Variants in TBCD observed in about 807,000 individuals in gnomAD.
TBCD encodes the protein tubulin-specific chaperone D.
Under a neutral mutation model 169.3 loss-of-function variants are expected in TBCD, and 105 were observed. The ratio of observed to expected loss-of-function variants is 0.62; its 90% confidence interval spans 0.53 to 0.73. The LOEUF (loss-of-function observed/expected upper bound fraction) is 0.73, where lower values mean the gene tolerates loss of function less well. TBCD is among the 30% of genes least tolerant of loss of function. TBCD has a pLI of 0.00. For missense variants in TBCD, 1,444 were observed against 1,600.1 expected (o/e 0.90, Z 1.66); for synonymous variants, 700 against 643.9 (o/e 1.09, Z -1.32).
chr17:82,794,102 C>T (rs1455105671), intron 7 of TBCD, among the ~76,000 whole-genome samples: 1 of 152,234 alleles, frequency 6.6e-6, no homozygotes, highest in Non-Finnish European at 1.5e-5. Context: ...GGGGGCCCTT[C>T]TCCCAGGGCC....
chr17:82,882,617 G>A (rs961491211), intron 14 of TBCD, among the ~76,000 whole-genome samples: 1 of 152,256 alleles, frequency 6.6e-6, no homozygotes, highest in Non-Finnish European at 1.5e-5. Context: ...TGGAGAGCAA[G>A]GCCAGTGGGT....
Position 82,860,139 on chromosome 17 carries a change from A to G in TBCD, c.1319-10085A>G, listed in dbSNP as rs111927610. On this transcript the variant is annotated intron_variant, in intron 13 of 38. Transcript: ENST00000355528. ...AGAACTGGCCCCTGACTTCCTGGTT[A>G]AGCCTTTAATTCTCCCGAATGCCTG... Among the ~76,000 whole-genome samples the G allele has an allele frequency of 7.4e-4, 113 of 152,336 alleles. 1 individual carries two copies. In the Middle Eastern group the frequency reaches 0.01, roughly 14 times the overall value.
chr17:82,911,247 AG>A (rs1157974056), intron 22 of TBCD, among the ~76,000 whole-genome samples: 1 of 152,176 alleles, frequency 6.6e-6, no homozygotes, highest in Non-Finnish European at 1.5e-5. Flanking sequence ...GCCAGAAACC[AG>A]GGTCTCAGGA....
chr17:82,819,956 G>A (rs2145036651), intron 13 of TBCD, among the ~76,000 whole-genome samples: 1 of 151,476 alleles, frequency 6.6e-6, no homozygotes, highest in Non-Finnish European at 1.5e-5. Context: ...GTGGGGGGAT[G>A]TATTGGTTTA....
intron 13 of TBCD, among the ~76,000 whole-genome samples, chr17:82,847,078 G>A (rs934897318): frequency 3.3e-5 from 5 of 152,180 alleles, no homozygotes; most frequent in Non-Finnish European, 4.4e-5. Flanking sequence ...CAGGCCGGGC[G>A]TGGTGGCTCA....
chr17:82,776,827 C>A (rs143630205), intron 6 of TBCD, among the ~76,000 whole-genome samples: 2 of 152,126 alleles, frequency 1.3e-5, no homozygotes, highest in Non-Finnish European at 2.9e-5. Flanking sequence ...CTTTGGTGGC[C>A]GAGGCAGCCC....
intron 3 of TBCD, among the ~76,000 whole-genome samples, chr17:82,764,585 C>T (rs2047931403): frequency 6.6e-6 from 1 of 152,204 alleles, no homozygotes; most frequent in South Asian, 2.1e-4. Flanking sequence ...GCAGAGGTTG[C>T]AGTGAGCCGA....
intron 37 of TBCD, 59 bp downstream of exon 37, chr17:82,939,535 CCCA>C (rs1307056533): frequency 1.3e-5 from 18 of 1,345,036 alleles, no homozygotes; most frequent in Non-Finnish European, 1.9e-5. Context: ...TCTTCCTGTC[CCCA>C]CCGTGTCTAC....
At chr17:82,843,549 T>A (rs1567874096) in intron 13 of TBCD, among the ~76,000 whole-genome samples, 1 of 132,468 alleles carries the variant, frequency 7.5e-6, no homozygotes, top group African/African-American at 3.0e-5. Context: ...TTACTTACCC[T>A]TCCCTTCCCC....
chr17:82,828,832 T>A (rs2053199834), intron 13 of TBCD, among the ~76,000 whole-genome samples: 1 of 124,718 alleles, frequency 8.0e-6, no homozygotes, highest in African/African-American at 3.1e-5. Flanking sequence ...TGTGCACGCC[T>A]AATCAGATGT....
chr17:82,932,606 T>C, intron 33 of TBCD, 52 bp from the exon 34 acceptor site: 1 of 1,499,078 alleles, frequency 6.7e-7, no homozygotes, highest in Non-Finnish European at 9.2e-7. Flanking sequence ...TTCAGGGAGT[T>C]GGGCGTCCTT....
At position 82,900,633 on chromosome 17, in the gene TBCD, C is replaced by T. The variant is rs1046028051; in HGVS notation, c.1650-18C>T. 4.3e-6 allele frequency: 7 copies of T among 1,610,440 alleles called. No individual in the cohort carries two copies. In the Admixed American group the frequency reaches 5.0e-5, roughly 12 times the overall value. ...CGTTCTTCCGCGTCTCACCACCTCT[C>T]CATGCTGTCTTTTCCAGTGTGTTTA... On this transcript the variant is annotated intron_variant, in intron 17 of 38. Coordinates refer to ENST00000355528, the MANE Select transcript of TBCD (RefSeq NM_005993.5).
chr17:82,905,260 G>A (rs2060159635), intron 19 of TBCD, among the ~76,000 whole-genome samples: 1 of 152,234 alleles, frequency 6.6e-6, no homozygotes, highest in Non-Finnish European at 1.5e-5. Flanking sequence ...AAGGCCTGGG[G>A]AGTGTGTCGT....
chr17:82,814,103 T>G (rs1598660979), intron 12 of TBCD, among the ~76,000 whole-genome samples: 1 of 152,204 alleles, frequency 6.6e-6, no homozygotes, highest in African/African-American at 2.4e-5. Flanking sequence ...CGATGGCCAT[T>G]GCAATTGTTC....
In TBCD at chr17:82,835,786, A is replaced by G. The variant is rs1489495342; in HGVS notation, c.1318+20852A>G. Among the ~76,000 whole-genome samples, 2 of 152,190 alleles carry G rather than the reference A, an allele frequency of 1.3e-5. No homozygotes were observed. Among genetic ancestry groups the G allele is most frequent in the African/African-American group, 4.8e-5 (2 of 41,446 alleles). ...CCCCCTACAAACTGCCTCTATTAAC[A>G]TACTTTAAGTTCTTTAAGACATTTA... On this transcript the variant is annotated intron_variant, in intron 13 of 38. Transcript: ENST00000355528. The surrounding 1 kb of genome is among the most constrained non-coding windows in gnomAD (Gnocchi z 4.5).
At chr17:82,828,809 C>T (rs1040954890) in intron 13 of TBCD, among the ~76,000 whole-genome samples, 16 of 151,758 alleles carry the variant, frequency 1.1e-4, no homozygotes, top group Non-Finnish European at 2.4e-4. Context: ...ATGTGCACAC[C>T]CACAGGATCG....
At chr17:82,843,898 C>T (rs976736834) in intron 13 of TBCD, among the ~76,000 whole-genome samples, 129 of 152,162 alleles carry the variant, frequency 8.5e-4, no homozygotes, top group Non-Finnish European at 2.5e-4. Context: ...ACTTTTCCAC[C>T]ATGGATTAGT....
intron 20 of TBCD, among the ~76,000 whole-genome samples, chr17:82,906,716 C>T (rs1333903329): frequency 6.6e-6 from 1 of 152,248 alleles, no homozygotes; most frequent in Non-Finnish European, 1.5e-5. Flanking sequence ...GTGCTGGAGA[C>T]AGTTCCCTGG....
intron 6 of TBCD, among the ~76,000 whole-genome samples, chr17:82,773,849 C>G (rs1364373861): frequency 1.3e-5 from 2 of 151,894 alleles, no homozygotes; most frequent in Non-Finnish European, 2.9e-5. Flanking sequence ...GCCTCAGCCT[C>G]CCGAGTAGCT....
Sources: allele counts gnomAD v4.1 joint callset (sites outside exome capture counted in the v4.1 genomes callset), GRCh38; gene constraint gnomAD v4.1.1; non-coding constraint Gnocchi (gnomAD v3.1); transcripts MANE v1.5; gene names NCBI Gene and HGNC (gene_info 2026-07-23, HGNC 2026-07-21).